The following RTKN2 variants were observed in gnomAD, a reference collection of about 807,000 sequenced individuals.
RTKN2 encodes rhotekin 2.
Under a neutral mutation model 71.5 loss-of-function variants are expected in RTKN2, and 69 were observed. That is an observed-to-expected ratio of 0.96 (90% CI 0.79 to 1.18). The LOEUF is 1.18. RTKN2 is among the 50% of genes most tolerant of loss of function. RTKN2 has a pLI of 0.00. For synonymous variants in RTKN2, 236 were observed against 236.5 expected, an observed-to-expected ratio of 1.00 and a Z score of 0.02; for missense variants, 724 against 719.7, an observed-to-expected ratio of 1.01 and a Z score of -0.07.
At chr10:62,246,079 T>C (rs368503161) in intron 2 of RTKN2, 22 bp from the exon 3 acceptor site, 98 of 1,499,130 alleles carry the variant, frequency 6.5e-5, no homozygotes, top group African/African-American at 2.4e-4. Context: ...AAAAAACTTA[T>C]GGAAAAAAGA....
chr10:62,209,250 A>G (rs1295334163), intron 9 of RTKN2, among the ~76,000 whole-genome samples: 1 of 152,128 alleles, frequency 6.6e-6, no homozygotes, highest in Non-Finnish European at 1.5e-5. Context: ...CCTGGGCAAC[A>G]CGAGCGAAAC....
Position 62,196,275 on chromosome 10 carries a change from A to C in RTKN2, c.*1633T>G. On this transcript the variant is annotated 3_prime_UTR_variant, in exon 12 of 12. Coordinates refer to ENST00000373789, the MANE Select transcript of RTKN2 (RefSeq NM_145307.4). ...TGAGAGCCTTCTAGTTAGAAAAAAT[A>C]AGTTTACTTTTTAAGGTTTCCATAC... is the stretch of plus-strand genomic sequence containing the variant. The C allele has an allele frequency of 1.0e-6, 1 of 980,832 alleles. No individual in the cohort carries two copies. The highest frequency in any genetic ancestry group is 1.2e-6 in the Non-Finnish European group (1 of 825,800). 60.8% of individuals were successfully genotyped at this position (980,832 alleles called of 1,614,324 possible). A position where few individuals can be genotyped will look rare whatever the true frequency, so the allele number is the denominator to read the frequency against.
At chr10:62,217,298 A>G (rs1841794753) in intron 8 of RTKN2, 49 bp from the exon 9 acceptor site, 2 of 1,308,426 alleles carry the variant, frequency 1.5e-6, no homozygotes, top group Non-Finnish European at 2.1e-6. Flanking sequence ...TTAAGTTATT[A>G]TCACTTTAAA....
intron 2 of RTKN2, among the ~76,000 whole-genome samples, chr10:62,255,693 A>T (rs552627771): frequency 6.6e-6 from 1 of 152,322 alleles, no homozygotes; most frequent in South Asian, 2.1e-4. Flanking sequence ...CAATTCCAAC[A>T]CCCCACAGAT....
intron 2 of RTKN2, among the ~76,000 whole-genome samples, chr10:62,250,969 T>C (rs183921591): frequency 4.7e-4 from 72 of 152,256 alleles, no homozygotes; most frequent in Admixed American, 4.1e-3. Context: ...CCATTCTGAG[T>C]AGTGTAATGA....
At chr10:62,265,170 T>C (rs529008707) in intron 1 of RTKN2, among the ~76,000 whole-genome samples, 1 of 152,276 alleles carries the variant, frequency 6.6e-6, no homozygotes, top group East Asian at 1.9e-4. Context: ...ATTAAGGAAA[T>C]GAGGTGTATC....
chr10:62,262,504 G>A, intron 2 of RTKN2, 121 bp downstream of exon 2: 4 of 641,538 alleles, frequency 6.2e-6, no homozygotes, highest in Non-Finnish European at 1.0e-5. Flanking sequence ...TGCTACTTCA[G>A]TGTATTTGTT....
At chr10:62,213,150 C>T (rs1008419881) in intron 9 of RTKN2, among the ~76,000 whole-genome samples, 10 of 152,120 alleles carry the variant, frequency 6.6e-5, no homozygotes, top group Admixed American at 2.6e-4. Context: ...CAGAATCTTC[C>T]GTGTAATAAG....
chr10:62,217,691 T>A (rs763159982), intron 8 of RTKN2, among the ~76,000 whole-genome samples: 20 of 152,196 alleles, frequency 1.3e-4, no homozygotes, highest in South Asian at 4.1e-4. Flanking sequence ...GAATGCAAAT[T>A]TTCTTTCCTC....
intron 1 of RTKN2, among the ~76,000 whole-genome samples, chr10:62,264,621 C>T (rs1190614912): frequency 1.3e-5 from 2 of 152,152 alleles, no homozygotes; most frequent in African/African-American, 4.8e-5. Context: ...TAGCTTTACC[C>T]CACAACTCAA....
At chr10:62,186,026 G>T (rs535344227) in intron 8 of RTKN2, among the ~76,000 whole-genome samples, 2 of 152,220 alleles carry the variant, frequency 1.3e-5, no homozygotes, top group African/African-American at 4.8e-5. Flanking sequence ...AAGGCCAGTC[G>T]GTGAAAGTAG....
At chr10:62,226,878 T>C (rs1420001354) in intron 6 of RTKN2, among the ~76,000 whole-genome samples, 3 of 152,194 alleles carry the variant, frequency 2.0e-5, no homozygotes, top group Non-Finnish European at 4.4e-5. Context: ...GGAGAATTGC[T>C]TGAACCCGGG....
rs150763582 is a variant in RTKN2 at position 62,254,716 on chromosome 10, G to A, written c.257+7909C>T. Reference sequence around the variant, plus strand: ...GTGTTTTGGGAGGCTGAGGTGGGAGGACTGCTTGAGGCCAGGAGTTCAAGA... The same window carrying A: ...GTGTTTTGGGAGGCTGAGGTGGGAGAACTGCTTGAGGCCAGGAGTTCAAGA... On this transcript the variant is annotated intron_variant, in intron 2 of 11. Coordinates refer to ENST00000373789, the MANE Select transcript of RTKN2 (RefSeq NM_145307.4). Among the ~76,000 whole-genome samples, 1,013 of 152,230 alleles carry A rather than the reference G, an allele frequency of 6.7e-3. 9 individuals carry two copies. Among genetic ancestry groups the A allele is most frequent in the Non-Finnish European group, 9.1e-3 (617 of 68,020 alleles).
At chr10:62,225,669 G>A (rs188350089) in intron 6 of RTKN2, among the ~76,000 whole-genome samples, 75 of 151,958 alleles carry the variant, frequency 4.9e-4, no homozygotes, top group East Asian at 7.7e-4. Flanking sequence ...TGGTACTTAC[G>A]TTAAAATAGC....
rs187907592 is a variant in RTKN2 at position 62,194,011 on chromosome 10, T to A, written c.*3897A>T. 3.0e-4 allele frequency: 296 copies of A among 984,978 alleles called. No individual in the cohort carries two copies. Among genetic ancestry groups the A allele is most frequent in the Non-Finnish European group, 3.5e-4 (290 of 829,528 alleles). 61.0% of individuals were successfully genotyped at this position (984,978 alleles called of 1,614,324 possible). On this transcript the variant is annotated 3_prime_UTR_variant, in exon 12 of 12. Coordinates refer to ENST00000373789, the MANE Select transcript of RTKN2 (RefSeq NM_145307.4). ...GTTAGAAAACGTCTTCATGAATCAG[T>A]TCTTTTAATGTACAGAAGTTTCAAT...
intron 10 of RTKN2, among the ~76,000 whole-genome samples, chr10:62,200,727 A>G (rs1457523069): frequency 1.3e-5 from 2 of 152,120 alleles, no homozygotes; most frequent in African/African-American, 4.8e-5. Flanking sequence ...TGCTTTTCAA[A>G]ATCATTTAAC....
At chr10:62,187,403 A>G (rs1243450455) in intron 8 of RTKN2, among the ~76,000 whole-genome samples, 1 of 152,186 alleles carries the variant, frequency 6.6e-6, no homozygotes, top group Non-Finnish European at 1.5e-5. Flanking sequence ...TGAAGCCCCT[A>G]AAGTTTCCTC....
At chr10:62,267,285 C>A (rs939342188) in intron 1 of RTKN2, among the ~76,000 whole-genome samples, 4 of 152,154 alleles carry the variant, frequency 2.6e-5, no homozygotes, top group Non-Finnish European at 4.4e-5. Context: ...TCATTCCATG[C>A]AACTAAACTT....
chr10:62,241,022 C>T (rs892027725), intron 4 of RTKN2, 120 bp downstream of exon 4: 1 of 591,936 alleles, frequency 1.7e-6, no homozygotes, highest in Non-Finnish European at 3.0e-6. Context: ...GTTCAAGATG[C>T]TGCTTATTCT....
Sources: gnomAD v4.1 joint callset for allele counts (sites outside exome capture counted in the v4.1 genomes callset) on GRCh38, gnomAD v4.1.1 for gene constraint, MANE v1.5 for transcripts, NCBI Gene and HGNC (gene_info 2026-07-23, HGNC 2026-07-21) for gene names.